IGSF11: variants seen among roughly 807,000 people sequenced by gnomAD.
IGSF11 encodes immunoglobulin superfamily member 11, also known as CXADR like 1.
A neutral mutation model predicts 41.0 loss-of-function variants in IGSF11; 22 were observed. The observed-to-expected ratio is 0.54, with a 90% CI of 0.38 to 0.77. The LOEUF is 0.77. Ranked by LOEUF, IGSF11 falls within the 30% of genes least tolerant of loss-of-function variation. The probability of loss-of-function intolerance (pLI) is 0.00; values close to 1 mark genes in which losing one functional copy is unlikely to be tolerated. For missense variants in IGSF11, 444 were observed against 530.8 expected, an observed-to-expected ratio of 0.84 and a Z score of 1.61; for synonymous variants, 219 against 201.3, an observed-to-expected ratio of 1.09 and a Z score of -0.74.
chr3:119,131,583 C>T (rs1433097814), intron 1 of IGSF11, among the ~76,000 whole-genome samples: 1 of 152,160 alleles, frequency 6.6e-6, no homozygotes, highest in African/African-American at 2.4e-5. Context: ...GACTGGTGGA[C>T]CTGAAAGTGA....
chr3:118,951,232 T>C (rs763075062), intron 1 of IGSF11, among the ~76,000 whole-genome samples: 7 of 152,220 alleles, frequency 4.6e-5, no homozygotes, highest in Non-Finnish European at 1.0e-4. Flanking sequence ...AGTCTTTTTA[T>C]AGAACTAAGC....
intron 1 of IGSF11, among the ~76,000 whole-genome samples, chr3:119,103,582 A>G (rs1407551005): frequency 6.6e-6 from 1 of 152,134 alleles, no homozygotes; most frequent in Non-Finnish European, 1.5e-5. Context: ...GTTTCTTATG[A>G]CACAAGGTTA....
chr3:118,911,456 C>G (rs1335201484), intron 4 of IGSF11, among the ~76,000 whole-genome samples: 2 of 152,092 alleles, frequency 1.3e-5, no homozygotes, highest in Non-Finnish European at 2.9e-5. Context: ...TGGCTCACAC[C>G]TATAGTCCCA....
chr3:119,124,036 G>A (rs930072115), intron 1 of IGSF11, among the ~76,000 whole-genome samples: 1 of 151,966 alleles, frequency 6.6e-6, no homozygotes, highest in Non-Finnish European at 1.5e-5. Context: ...GACCAATCCT[G>A]GAGAAACAGA....
At chr3:118,998,701 G>C (rs1302246094) in intron 1 of IGSF11, among the ~76,000 whole-genome samples, 5 of 152,012 alleles carry the variant, frequency 3.3e-5, no homozygotes, top group African/African-American at 4.8e-5. Flanking sequence ...CAACTGCTGG[G>C]TGACAGACTA....
At chr3:119,050,132 A>G (rs1379582857) in intron 1 of IGSF11, among the ~76,000 whole-genome samples, 1 of 150,708 alleles carries the variant, frequency 6.6e-6, no homozygotes, top group Non-Finnish European at 1.5e-5. Flanking sequence ...TGGCAACAAA[A>G]GCCAAAATTG....
intron 1 of IGSF11, among the ~76,000 whole-genome samples, chr3:119,045,291 C>T (rs923512487): frequency 1.3e-5 from 2 of 152,196 alleles, no homozygotes; most frequent in South Asian, 2.1e-4. Flanking sequence ...GTGCGTGCAC[C>T]GTGCACGAGC....
chr3:118,957,235 CGAT>C (rs957873442), intron 1 of IGSF11, among the ~76,000 whole-genome samples: 3 of 152,134 alleles, frequency 2.0e-5, no homozygotes, highest in Admixed American at 1.3e-4. Flanking sequence ...ACTGACTAGA[CGAT>C]GTCTACTCAC....
chr3:118,924,132 G>A (rs1942083206), intron 4 of IGSF11, among the ~76,000 whole-genome samples: 1 of 151,904 alleles, frequency 6.6e-6, no homozygotes, highest in African/African-American at 2.4e-5. Context: ...TTATCAGTAG[G>A]GATTTGGTGA....
rs1477581585 is a variant in IGSF11, at chr3:119,004,485, T to A, written c.52+30046A>T. Among the ~76,000 whole-genome samples the A allele has an allele frequency of 5.4e-5, 8 of 149,460 alleles. No individual in the cohort carries two copies. The South Asian group carries it at 1.1e-3, about 20-fold the overall frequency. ...CCTTCAGTTCTGCTCTGATTTTAGT[T>A]ATTTCTTGCCTTCTGCTAGCTTTTG... On this transcript the variant is annotated intron_variant, in intron 1 of 6. Coordinates refer to ENST00000393775, the MANE Select transcript of IGSF11 (RefSeq NM_001015887.3).
At chr3:119,041,901 A>G (rs1476392640) in intron 1 of IGSF11, among the ~76,000 whole-genome samples, 1 of 152,214 alleles carries the variant, frequency 6.6e-6, no homozygotes, top group Non-Finnish European at 1.5e-5. Flanking sequence ...TTTTACAACT[A>G]TGAAAAAATG....
intron 1 of IGSF11, among the ~76,000 whole-genome samples, chr3:119,021,359 T>C (rs1939271112): frequency 6.6e-6 from 1 of 152,092 alleles, no homozygotes; most frequent in Non-Finnish European, 1.5e-5. Flanking sequence ...AAGATGATGG[T>C]GACAACAGAG....
chr3:118,980,977 A>G (rs544859173), intron 1 of IGSF11, among the ~76,000 whole-genome samples: 20 of 152,302 alleles, frequency 1.3e-4, no homozygotes, highest in Non-Finnish European at 2.4e-4. Context: ...CCAGGAATCA[A>G]ACCCATTTAC....
chr3:118,911,529 C>A (rs2107485736), intron 4 of IGSF11, among the ~76,000 whole-genome samples: 1 of 152,130 alleles, frequency 6.6e-6, no homozygotes, highest in South Asian at 2.1e-4. Context: ...CCCATCAGGA[C>A]ACTAAGGCAG....
intron 1 of IGSF11, among the ~76,000 whole-genome samples, chr3:119,116,043 C>G (rs2077251782): frequency 6.6e-6 from 1 of 152,138 alleles, no homozygotes; most frequent in Admixed American, 6.5e-5. Context: ...AAACAACTGT[C>G]ATGGTTAATT....
At chr3:119,034,272 G>A (rs1284691428) in intron 1 of IGSF11, among the ~76,000 whole-genome samples, 1 of 152,220 alleles carries the variant, frequency 6.6e-6, no homozygotes, top group African/African-American at 2.4e-5. Context: ...GTGAGAGTCA[G>A]GGCCCGGCCT....
intron 1 of IGSF11, among the ~76,000 whole-genome samples, chr3:118,982,780 A>G (rs945480917): frequency 1.3e-5 from 2 of 152,204 alleles, no homozygotes; most frequent in African/African-American, 4.8e-5. Context: ...ATCTACCAAT[A>G]TTAGTCATAT....
chr3:118,992,183 A>T (rs546631522), intron 1 of IGSF11, among the ~76,000 whole-genome samples: 3 of 152,368 alleles, frequency 2.0e-5, no homozygotes, highest in Admixed American at 6.5e-5. Flanking sequence ...TGTACCAAAA[A>T]TTATCACAAA....
chr3:118,965,818 C>T (rs1220524776), intron 1 of IGSF11, among the ~76,000 whole-genome samples: 2 of 152,032 alleles, frequency 1.3e-5, no homozygotes, highest in Non-Finnish European at 2.9e-5. Flanking sequence ...ATTAGGGAAG[C>T]ATTTATTAAA....
Sources: allele counts gnomAD v4.1 joint callset (sites outside exome capture counted in the v4.1 genomes callset), GRCh38; gene constraint gnomAD v4.1.1; transcripts MANE v1.5; gene names NCBI Gene and HGNC (gene_info 2026-07-23, HGNC 2026-07-21).